The following MAP4K4 variants were observed in gnomAD, a reference collection of about 807,000 sequenced individuals.
MAP4K4 encodes the protein HPK/GCK-like kinase HGK.
A neutral mutation model predicts 189.6 loss-of-function variants in MAP4K4; 38 were observed. The ratio of observed to expected loss-of-function variants is 0.20; its 90% CI spans 0.15 to 0.26. MAP4K4 has a LOEUF of 0.26. MAP4K4 is among the 10% of genes least tolerant of loss of function. MAP4K4 has a pLI of 1.00. For missense variants in MAP4K4, 1,054 were observed against 1,726.9 expected (o/e 0.61, Z 6.91); for synonymous variants, 610 against 624.3 (o/e 0.98, Z 0.34).
At chr2:101,881,115 C>G (rs1163803065) in intron 27 of MAP4K4, among the ~76,000 whole-genome samples, 2 of 152,192 alleles carry the variant, frequency 1.3e-5, no homozygotes, top group East Asian at 3.8e-4. Flanking sequence ...ATGGAAATCT[C>G]TCTCCATTTA....
Position 101,727,744 on chromosome 2 carries a change from G to A in MAP4K4, c.123+29206G>A, listed in dbSNP as rs145586318. 4.2e-3 allele frequency among the ~76,000 whole-genome samples: 640 copies of A among 152,318 alleles called. 4 individuals are homozygous for A. Among genetic ancestry groups the A allele is most frequent in the African/African-American group, 0.015 (613 of 41,560 alleles). ...AGCACACTGGGAGGCTGAGGCAGGCGGATCACCTGAGGTCAGGTGTTCAAG... is the reference window on the plus strand; with the variant it reads ...AGCACACTGGGAGGCTGAGGCAGGCAGATCACCTGAGGTCAGGTGTTCAAG... On this transcript the variant is annotated intron_variant, in intron 2 of 32. Coordinates refer to ENST00000324219, the Ensembl canonical transcript of MAP4K4.
chr2:101,887,828 T>C (rs1030046566), exon 31 of MAP4K4: 11 of 1,613,194 alleles, frequency 6.8e-6, no homozygotes, highest in South Asian at 1.1e-5. Flanking sequence ...CCAATACAGA[T>C]GGAATGGAGC....
intron 2 of MAP4K4, among the ~76,000 whole-genome samples, chr2:101,769,416 G>A (rs2080229913): frequency 6.6e-6 from 1 of 152,106 alleles, no homozygotes. Context: ...AGAATTTTGA[G>A]AAGAAATAAG....
At chr2:101,826,021 T>C (rs149150355) in intron 5 of MAP4K4, among the ~76,000 whole-genome samples, 7 of 152,276 alleles carry the variant, frequency 4.6e-5, no homozygotes, top group Admixed American at 1.3e-4. Flanking sequence ...AGGCAGAGGG[T>C]TTCTAGGATT....
chr2:101,801,963 C>T (rs1234005814), intron 3 of MAP4K4, among the ~76,000 whole-genome samples: 9 of 152,318 alleles, frequency 5.9e-5, no homozygotes, highest in South Asian at 4.1e-4. Context: ...CTGTCCTGTA[C>T]CACTTGGCTC....
At chr2:101,883,491 C>A (rs1050426627) in intron 28 of MAP4K4, among the ~76,000 whole-genome samples, 4 of 152,110 alleles carry the variant, frequency 2.6e-5, no homozygotes, top group African/African-American at 7.2e-5. Context: ...TGCCACCACG[C>A]CCAGCTAATC....
chr2:101,759,783 C>T (rs1205489820), intron 2 of MAP4K4, among the ~76,000 whole-genome samples: 3 of 93,074 alleles, frequency 3.2e-5, no homozygotes, highest in African/African-American at 1.3e-4. Flanking sequence ...CATCCTCTCC[C>T]CCTCCCTTCT....
chr2:101,746,413 A>G (rs2065629995), intron 2 of MAP4K4, among the ~76,000 whole-genome samples: 1 of 151,776 alleles, frequency 6.6e-6, no homozygotes. Flanking sequence ...CATGTTTTGT[A>G]AGTTTAATAA....
chr2:101,878,217 T>C (rs2098271504), intron 27 of MAP4K4, among the ~76,000 whole-genome samples: 1 of 152,214 alleles, frequency 6.6e-6, no homozygotes, highest in African/African-American at 2.4e-5. Context: ...CCACACTCAC[T>C]GTATACTTAA....
intron 27 of MAP4K4, 116 bp downstream of exon 27, chr2:101,877,262 C>G (rs890720138): frequency 1.0e-6 from 1 of 991,358 alleles, no homozygotes; most frequent in Non-Finnish European, 1.5e-6. Flanking sequence ...AAGGTACAAC[C>G]ACATTGAGAC....
At chr2:101,852,657 AT>A in intron 12 of MAP4K4, among the ~76,000 whole-genome samples, 1 of 152,306 alleles carries the variant, frequency 6.6e-6, no homozygotes, top group African/African-American at 2.4e-5. Context: ...AAATTTATAC[AT>A]TTTTATTAGT....
intron 26 of MAP4K4, among the ~76,000 whole-genome samples, chr2:101,875,991 G>C (rs1306477117): frequency 1.3e-5 from 2 of 152,154 alleles, no homozygotes; most frequent in African/African-American, 4.8e-5. Flanking sequence ...CCTTAATTAA[G>C]GTCTCTATCC....
intron 2 of MAP4K4, among the ~76,000 whole-genome samples, chr2:101,725,387 C>CAAATAAGCAA (rs2054658317): frequency 1.8e-5 from 2 of 110,964 alleles, no homozygotes; most frequent in Non-Finnish European, 3.8e-5. Context: ...AAAAGATAAG[C>CAAATAAGCAA]AAAAAAAAAA....
rs397872119 is a variant in MAP4K4, at chr2:101,721,435, CT to C, written c.123+22915del. Among the ~76,000 whole-genome samples, 1,106 of 131,546 alleles carry C rather than the reference CT, an allele frequency of 8.4e-3. 40 individuals carry two copies. The East Asian group carries it at 0.12, about 15-fold the overall frequency. 86.3% of individuals were successfully genotyped at this position (131,546 alleles called of 152,430 possible). On this transcript the variant is annotated intron_variant, in intron 2 of 32. Transcript: ENST00000324219. ...TGTTAAGGGGTTGGGTAGTATATTG[CT>C]TTTTTTTTTTTTTTTTTGAGATGGA...
chr2:101,767,306 T>C (rs2079046476), intron 2 of MAP4K4, among the ~76,000 whole-genome samples: 1 of 152,198 alleles, frequency 6.6e-6, no homozygotes, highest in East Asian at 1.9e-4. Flanking sequence ...TACTTGCAAA[T>C]ATGTTATCTC....
chr2:101,867,394 G>A, intron 20 of MAP4K4, 85 bp downstream of exon 20: 1 of 1,000,866 alleles, frequency 1.0e-6, no homozygotes, highest in Non-Finnish European at 1.5e-6. Flanking sequence ...GAGGCCTGCA[G>A]TCTTTTCTGC....
chr2:101,830,575 C>T (rs550185700), intron 6 of MAP4K4, among the ~76,000 whole-genome samples: 22 of 152,294 alleles, frequency 1.4e-4, no homozygotes, highest in African/African-American at 5.1e-4. Flanking sequence ...AAAGTAAGAT[C>T]TTCATAGTTA....
At chr2:101,772,801 A>T (rs2082119574) in intron 2 of MAP4K4, among the ~76,000 whole-genome samples, 1 of 152,180 alleles carries the variant, frequency 6.6e-6, no homozygotes, top group African/African-American at 2.4e-5. Flanking sequence ...GCTAAACCTC[A>T]CACACATGAG....
chr2:101,885,484 G>GGA (rs2098467162), intron 29 of MAP4K4, among the ~76,000 whole-genome samples, 197 bp downstream of exon 29: 1 of 152,212 alleles, frequency 6.6e-6, no homozygotes, highest in Non-Finnish European at 1.5e-5. Context: ...ACAGTGAGAA[G>GGA]GAGAGAGAGA....
Sources: allele counts gnomAD v4.1 joint callset (sites outside exome capture counted in the v4.1 genomes callset), GRCh38; gene constraint gnomAD v4.1.1; transcripts MANE v1.5; gene names NCBI Gene and HGNC (gene_info 2026-07-23, HGNC 2026-07-21).